The following TACR3 variants were observed in gnomAD, a reference collection of about 807,000 sequenced individuals.
TACR3 encodes tachykinin receptor 3, also known as neuromedin-K receptor.
TACR3 carries 34 observed loss-of-function variants against 35.0 expected under a neutral mutation model. The ratio of observed to expected loss-of-function variants is 0.97; its 90% CI spans 0.74 to 1.30. The LOEUF is 1.30. TACR3 is among the 50% of genes most tolerant of loss of function. The pLI, the probability that TACR3 is intolerant of heterozygous loss-of-function variation, is 0.00. For synonymous variants in TACR3, 233 were observed against 221.1 expected (o/e 1.05, Z -0.48); for missense variants, 558 against 591.7 (o/e 0.94, Z 0.59).
chr4:103,643,747 CTGTG>C (rs1331978476), intron 3 of TACR3, among the ~76,000 whole-genome samples: 4 of 151,430 alleles, frequency 2.6e-5, no homozygotes, highest in East Asian at 1.9e-4. Context: ...GTGTGTGTGC[CTGTG>C]TGTATGTTTC....
chr4:103,700,057 TTGAG>T (rs1373588476), intron 1 of TACR3, among the ~76,000 whole-genome samples: 8 of 152,180 alleles, frequency 5.3e-5, no homozygotes, highest in Non-Finnish European at 8.8e-5. Context: ...GAAATATCTG[TTGAG>T]TGAGTGAATA....
intron 3 of TACR3, among the ~76,000 whole-genome samples, chr4:103,623,952 C>T (rs1033619093): frequency 1.9e-4 from 29 of 152,250 alleles, no homozygotes; most frequent in African/African-American, 7.0e-4. Flanking sequence ...TAAAGTAAAA[C>T]ACACTACCTT....
At chr4:103,650,302 A>G (rs1285517616) in intron 3 of TACR3, among the ~76,000 whole-genome samples, 2 of 151,762 alleles carry the variant, frequency 1.3e-5, no homozygotes, top group African/African-American at 4.8e-5. Flanking sequence ...AAGCAAACAC[A>G]GCACTGGGGT....
intron 3 of TACR3, among the ~76,000 whole-genome samples, chr4:103,599,878 T>A (rs992990150): frequency 1.3e-5 from 2 of 152,200 alleles, no homozygotes; most frequent in African/African-American, 2.4e-5. Context: ...TGAGGATTTT[T>A]GCATCAATGT....
chr4:103,645,903 A>G (rs1317161915), intron 3 of TACR3, among the ~76,000 whole-genome samples: 1 of 151,962 alleles, frequency 6.6e-6, no homozygotes, highest in East Asian at 1.9e-4. Context: ...TAGATAGGGC[A>G]AGAACTGGAA....
rs1049593888 is a variant in TACR3 at position 103,587,051 on chromosome 4, A to G, written c.*2631T>C. 5 of 152,060 alleles carry G rather than the reference A, an allele frequency of 3.3e-5. No individual in the cohort carries two copies. The highest frequency in any genetic ancestry group is 7.4e-5 in the Non-Finnish European group (5 of 68,008). The allele number at this position is 152,060 out of a possible 1,614,324, so 9.4% of individuals were successfully genotyped here. Reference sequence around the variant, plus strand: ...TCTGAGCCAGTGTTTGCCTTCAAACAATGGAAAGATTCATACTGAACTTTA... The same window carrying G: ...TCTGAGCCAGTGTTTGCCTTCAAACGATGGAAAGATTCATACTGAACTTTA... On this transcript the variant is annotated 3_prime_UTR_variant, in exon 5 of 5. Transcript: ENST00000304883.
intron 3 of TACR3, among the ~76,000 whole-genome samples, chr4:103,611,901 G>T (rs1724520374): frequency 2.6e-5 from 4 of 152,114 alleles, no homozygotes; most frequent in Non-Finnish European, 4.4e-5. Context: ...TATTGACCAA[G>T]ACATCAAAAT....
chr4:103,604,147 A>C (rs1560803192), intron 3 of TACR3, among the ~76,000 whole-genome samples: 1 of 152,232 alleles, frequency 6.6e-6, no homozygotes, highest in South Asian at 2.1e-4. Flanking sequence ...TTATACTGCA[A>C]GGCTATAGTA....
chr4:103,671,711 G>A (rs1253363564), intron 1 of TACR3, among the ~76,000 whole-genome samples: 1 of 151,572 alleles, frequency 6.6e-6, no homozygotes, highest in Non-Finnish European at 1.5e-5. Flanking sequence ...GTCAAGTTTG[G>A]TTGTCTTTTC....
At chr4:103,634,198 C>T (rs1355131722) in intron 3 of TACR3, among the ~76,000 whole-genome samples, 2 of 152,064 alleles carry the variant, frequency 1.3e-5, no homozygotes, top group African/African-American at 4.8e-5. Context: ...TTAACAGTAA[C>T]CTCTAATGAA....
chr4:103,674,805 C>A lies in TACR3; in HGVS notation c.549-16402G>T, dbSNP rs567922683. ...GACCTCATGATCTGCCTGCCTCGGCCTTCCAAAGTGCTGGGATTACAGGCG... is the reference window on the plus strand; with the variant it reads ...GACCTCATGATCTGCCTGCCTCGGCATTCCAAAGTGCTGGGATTACAGGCG... On this transcript the variant is annotated intron_variant, in intron 1 of 4. Coordinates refer to ENST00000304883, the MANE Select transcript of TACR3 (RefSeq NM_001059.3). Among the ~76,000 whole-genome samples the A allele has an allele frequency of 1.2e-4, 19 of 152,304 alleles. No individual in the cohort carries two copies. In the South Asian group the frequency reaches 2.7e-3, roughly 22 times the overall value.
At chr4:103,638,048 G>C (rs373688096) in intron 3 of TACR3, among the ~76,000 whole-genome samples, 4 of 152,152 alleles carry the variant, frequency 2.6e-5, no homozygotes, top group African/African-American at 4.8e-5. Context: ...CCATACCCAT[G>C]AAGCTACCAA....
intron 1 of TACR3, among the ~76,000 whole-genome samples, chr4:103,702,218 A>G (rs947997749): frequency 2.0e-5 from 3 of 152,094 alleles, no homozygotes; most frequent in African/African-American, 7.2e-5. Flanking sequence ...AAAACAAACA[A>G]CCCCATCAAA....
At chr4:103,681,940 T>C (rs903753259) in intron 1 of TACR3, among the ~76,000 whole-genome samples, 1 of 152,024 alleles carries the variant, frequency 6.6e-6, no homozygotes, top group Non-Finnish European at 1.5e-5. Flanking sequence ...TGGAAATCAA[T>C]AACAGGAAAG....
At chr4:103,629,146 A>G (rs1425359539) in intron 3 of TACR3, among the ~76,000 whole-genome samples, 1 of 152,194 alleles carries the variant, frequency 6.6e-6, no homozygotes, top group Admixed American at 6.5e-5. Flanking sequence ...ATCTCAAAAT[A>G]ATCAGAGCTA....
intron 1 of TACR3, among the ~76,000 whole-genome samples, chr4:103,694,048 C>T (rs1722468477): frequency 1.3e-5 from 2 of 152,046 alleles, no homozygotes; most frequent in Middle Eastern, 3.2e-3. Context: ...AGTTTAGGTT[C>T]AAAACACATT....
At chr4:103,688,875 T>C (rs933860125) in intron 1 of TACR3, among the ~76,000 whole-genome samples, 4 of 152,124 alleles carry the variant, frequency 2.6e-5, no homozygotes, top group African/African-American at 9.7e-5. Flanking sequence ...GAAATACCAT[T>C]TGACCCAGCC....
chr4:103,711,873 A>G (rs1287107725), intron 1 of TACR3, among the ~76,000 whole-genome samples: 7 of 152,224 alleles, frequency 4.6e-5, no homozygotes, highest in Admixed American at 6.5e-5. Context: ...GAGCCAAATC[A>G]TGAGTGAACT....
At chr4:103,609,787 C>A (rs1315428937) in intron 3 of TACR3, among the ~76,000 whole-genome samples, 1 of 152,038 alleles carries the variant, frequency 6.6e-6, no homozygotes, top group Non-Finnish European at 1.5e-5. Context: ...CCTCTGGTAA[C>A]CACTATTCTA....
Sources: allele counts gnomAD v4.1 joint callset (sites outside exome capture counted in the v4.1 genomes callset), GRCh38; gene constraint gnomAD v4.1.1; transcripts MANE v1.5; gene names NCBI Gene and HGNC (gene_info 2026-07-23, HGNC 2026-07-21).